The following KIAA1958 variants were observed in gnomAD, a reference collection of about 807,000 sequenced individuals.
KIAA1958 encodes uncharacterized protein KIAA1958.
A neutral mutation model predicts 47.2 loss-of-function variants in KIAA1958; 14 were observed. The observed-to-expected ratio is 0.30, with a 90% confidence interval of 0.20 to 0.46. The LOEUF (loss-of-function observed/expected upper bound fraction) is 0.46. Ranked by LOEUF, KIAA1958 falls within the 20% of genes least tolerant of loss-of-function variation. KIAA1958 has a pLI of 1.00. For synonymous variants in KIAA1958, 354 were observed against 353.3 expected, an observed-to-expected ratio of 1.00 and a Z score of -0.02; for missense variants, 803 against 909.2, an observed-to-expected ratio of 0.88 and a Z score of 1.50.
chr9:112,544,481 G>A (rs986297635), intron 1 of KIAA1958, among the ~76,000 whole-genome samples: 1 of 152,066 alleles, frequency 6.6e-6, no homozygotes, highest in Non-Finnish European at 1.5e-5. Context: ...GAAGAGAATA[G>A]GTGTTCAGTT....
chr9:112,530,418 T>C (rs1338321996), intron 1 of KIAA1958, among the ~76,000 whole-genome samples: 1 of 152,230 alleles, frequency 6.6e-6, no homozygotes, highest in Non-Finnish European at 1.5e-5. Flanking sequence ...TGCTCAAGTA[T>C]CTATTTTTGA....
At chr9:112,573,091 C>A (rs571685991) in intron 1 of KIAA1958, among the ~76,000 whole-genome samples, 1 of 152,290 alleles carries the variant, frequency 6.6e-6, no homozygotes, top group South Asian at 2.1e-4. Flanking sequence ...CTTTCCAGCC[C>A]CTTGCAGACT....
At chr9:112,621,069 A>G (rs896487830) in intron 2 of KIAA1958, among the ~76,000 whole-genome samples, 2 of 152,032 alleles carry the variant, frequency 1.3e-5, no homozygotes, top group Non-Finnish European at 2.9e-5. Context: ...GTTTTTTTCT[A>G]TTTAAGTTTC....
chr9:112,655,182 AC>A (rs1332522867), intron 3 of KIAA1958, among the ~76,000 whole-genome samples: 2 of 152,180 alleles, frequency 1.3e-5, no homozygotes, highest in Non-Finnish European at 2.9e-5. Context: ...AATGGATGTC[AC>A]ATTTTTTCAA....
At chr9:112,647,605 G>A (rs543767989) in intron 3 of KIAA1958, among the ~76,000 whole-genome samples, 48 of 152,254 alleles carry the variant, frequency 3.2e-4, no homozygotes, top group African/African-American at 1.1e-3. Context: ...ATAGAAATAC[G>A]CAACAATATA....
intron 2 of KIAA1958, among the ~76,000 whole-genome samples, chr9:112,603,936 ATTTCT>A (rs912554065): frequency 1.3e-5 from 2 of 152,204 alleles, no homozygotes; most frequent in East Asian, 1.9e-4. Context: ...TTCAGACATC[ATTTCT>A]TTTCTTTATC....
intron 1 of KIAA1958, among the ~76,000 whole-genome samples, chr9:112,535,688 CT>C (rs1834842759): frequency 6.6e-6 from 1 of 152,136 alleles, no homozygotes; most frequent in African/African-American, 2.4e-5. Context: ...TGCATTTTCA[CT>C]AACAGTGTAC....
At chr9:112,632,076 A>T (rs1306983587) in intron 2 of KIAA1958, among the ~76,000 whole-genome samples, 1 of 152,052 alleles carries the variant, frequency 6.6e-6, no homozygotes, top group East Asian at 1.9e-4. Context: ...AGTCCTATTG[A>T]TTTTTATAAC....
chr9:112,498,552 A>T (rs1341643729), intron 1 of KIAA1958, among the ~76,000 whole-genome samples: 19 of 148,318 alleles, frequency 1.3e-4, no homozygotes, highest in Admixed American at 1.2e-3. Context: ...AGATTCTTTT[A>T]AAGTTTTTTT....
At chr9:112,562,224 GA>G (rs1187112300) in intron 1 of KIAA1958, among the ~76,000 whole-genome samples, 1 of 152,144 alleles carries the variant, frequency 6.6e-6, no homozygotes, top group Admixed American at 6.5e-5. Flanking sequence ...ATTATGAAGT[GA>G]TTATTTTTTT....
At chr9:112,524,074 A>T (rs916962148) in intron 1 of KIAA1958, among the ~76,000 whole-genome samples, 1 of 152,186 alleles carries the variant, frequency 6.6e-6, no homozygotes, top group African/African-American at 2.4e-5. Flanking sequence ...TTTCCCATCT[A>T]TATCTCCACA....
rs1837340902 is a variant in KIAA1958, at chr9:112,665,466, T to C, written c.*5397T>C. ...AAAATCTCACCGATAAGTTGGAGAA[T>C]TTAAGTTTGTAAGTTGGAGAATGCA... On this transcript the variant is annotated 3_prime_UTR_variant, in exon 4 of 4. Transcript: ENST00000337530. 1.3e-5 allele frequency: 2 copies of C among 152,206 alleles called. No individual in the cohort carries two copies. Among genetic ancestry groups the C allele is most frequent in the Admixed American group, 1.3e-4 (2 of 15,288 alleles). 9.4% of individuals were successfully genotyped at this position (152,206 alleles called of 1,614,324 possible).
intron 2 of KIAA1958, among the ~76,000 whole-genome samples, chr9:112,580,503 C>A (rs1835717983): frequency 6.6e-6 from 1 of 152,070 alleles, no homozygotes; most frequent in African/African-American, 2.4e-5. Context: ...AGAAACAAGA[C>A]TAACTGGGCA....
chr9:112,540,113 A>G (rs2132821927), intron 1 of KIAA1958, among the ~76,000 whole-genome samples: 1 of 152,352 alleles, frequency 6.6e-6, no homozygotes, highest in African/African-American at 2.4e-5. Flanking sequence ...AAGGAAAGCA[A>G]TATGCATTAT....
At chr9:112,607,401 A>C (rs1373723075) in intron 2 of KIAA1958, among the ~76,000 whole-genome samples, 1 of 152,032 alleles carries the variant, frequency 6.6e-6, no homozygotes, top group African/African-American at 2.4e-5. Flanking sequence ...GAGAGACCTC[A>C]GTTTTCCACT....
intron 1 of KIAA1958, among the ~76,000 whole-genome samples, chr9:112,511,394 C>T (rs974336982): frequency 6.6e-6 from 1 of 152,084 alleles, no homozygotes; most frequent in African/African-American, 2.4e-5. Flanking sequence ...AGGATCCATC[C>T]GAGCTTAGTG....
At chr9:112,510,414 A>T (rs1834305312) in intron 1 of KIAA1958, among the ~76,000 whole-genome samples, 1 of 152,196 alleles carries the variant, frequency 6.6e-6, no homozygotes, top group Admixed American at 6.5e-5. Flanking sequence ...AGCAGTCTTG[A>T]TTCCCACACA....
chr9:112,558,040 C>T (rs1175379275), intron 1 of KIAA1958, among the ~76,000 whole-genome samples: 3 of 152,072 alleles, frequency 2.0e-5, no homozygotes, highest in African/African-American at 7.2e-5. Context: ...TCCTGGCCAA[C>T]ATGGTGAAAC....
chr9:112,610,192 G>A (rs1246309740), intron 2 of KIAA1958, among the ~76,000 whole-genome samples: 3 of 151,748 alleles, frequency 2.0e-5, no homozygotes, highest in South Asian at 2.1e-4. Context: ...GACAATAATA[G>A]CATTATATAG....
Sources: allele counts gnomAD v4.1 joint callset (sites outside exome capture counted in the v4.1 genomes callset), GRCh38; gene constraint gnomAD v4.1.1; transcripts MANE v1.5; gene names NCBI Gene and HGNC (gene_info 2026-07-23, HGNC 2026-07-21).